SNTG1: variants seen among roughly 807,000 people sequenced by gnomAD.
SNTG1 encodes gamma-1-syntrophin.
In SNTG1, 39 loss-of-function variants were observed where a neutral mutation model predicts 74.7. The ratio of observed to expected loss-of-function variants is 0.52; its 90% CI spans 0.40 to 0.68. The LOEUF (loss-of-function observed/expected upper bound fraction) is 0.68, where lower values mean the gene tolerates loss of function less well. SNTG1 is among the 30% of genes least tolerant of loss of function. SNTG1 has a pLI of 0.00. For synonymous variants in SNTG1, 254 were observed against 217.1 expected (o/e 1.17, Z -1.49); for missense variants, 685 against 609.5 (o/e 1.12, Z -1.30).
intron 13 of SNTG1, among the ~76,000 whole-genome samples, chr8:50,612,353 T>C (rs1344978325): frequency 1.3e-5 from 2 of 152,206 alleles, no homozygotes; most frequent in East Asian, 3.9e-4. Context: ...TTGACTACTA[T>C]ATGAATGCTC....
intron 9 of SNTG1, among the ~76,000 whole-genome samples, chr8:50,519,528 A>G (rs1420334147): frequency 1.3e-5 from 2 of 152,232 alleles, no homozygotes; most frequent in African/African-American, 2.4e-5. Context: ...CTGTTTGCAG[A>G]TGACATGATT....
chr8:50,182,692 T>C (rs1339964031), intron 2 of SNTG1, among the ~76,000 whole-genome samples: 2 of 152,064 alleles, frequency 1.3e-5, no homozygotes, highest in African/African-American at 4.8e-5. Flanking sequence ...ATTCTCTTAA[T>C]TTCATCTTTT....
Position 50,620,663 on chromosome 8 carries a change from G to A in SNTG1, c.849+29746G>A, listed in dbSNP as rs559088724. On this transcript the variant is annotated intron_variant, in intron 13 of 18. Transcript: ENST00000642720. ...GGCATAATAGTTCCAGTTAAGAGAG[G>A]TAAACAATGAACAAATACATATTTA... Among the ~76,000 whole-genome samples, 10 of 152,302 alleles carry A rather than the reference G, an allele frequency of 6.6e-5. No individual in the cohort carries two copies. In the East Asian group the frequency reaches 1.9e-3, roughly 29 times the overall value.
chr8:49,950,397 A>G (rs560304740), intron 1 of SNTG1, among the ~76,000 whole-genome samples: 1 of 152,312 alleles, frequency 6.6e-6, no homozygotes, highest in South Asian at 2.1e-4. Context: ...AACATTTTAT[A>G]TGCTATTCCT....
chr8:50,701,167 A>G (rs1427534972), intron 15 of SNTG1, among the ~76,000 whole-genome samples: 8 of 152,186 alleles, frequency 5.3e-5, no homozygotes, highest in African/African-American at 1.9e-4. Context: ...AATTTAATAA[A>G]CCATAAAATT....
chr8:49,967,431 T>G (rs550873078), intron 1 of SNTG1, among the ~76,000 whole-genome samples: 2 of 152,324 alleles, frequency 1.3e-5, no homozygotes, highest in African/African-American at 4.8e-5. Context: ...TCTGTATTGT[T>G]TACTTTCTGC....
intron 15 of SNTG1, among the ~76,000 whole-genome samples, chr8:50,694,922 A>C (rs2095398262): frequency 6.6e-6 from 1 of 151,906 alleles, no homozygotes; most frequent in Non-Finnish European, 1.5e-5. Flanking sequence ...TTAGTTATAA[A>C]AGAAATGTAC....
chr8:50,670,392 C>A (rs2095274546), intron 15 of SNTG1, among the ~76,000 whole-genome samples: 1 of 151,836 alleles, frequency 6.6e-6, no homozygotes, highest in Non-Finnish European at 1.5e-5. Flanking sequence ...TTCTTATACA[C>A]CAATAATAGA....
intron 1 of SNTG1, among the ~76,000 whole-genome samples, chr8:50,132,375 C>G (rs909844290): frequency 1.3e-5 from 2 of 152,038 alleles, no homozygotes; most frequent in Non-Finnish European, 2.9e-5. Context: ...GGGTGAGATT[C>G]AGGGTACAGT....
intron 1 of SNTG1, among the ~76,000 whole-genome samples, chr8:50,051,142 A>G (rs923381220): frequency 6.6e-6 from 1 of 151,962 alleles, no homozygotes; most frequent in Admixed American, 6.6e-5. Context: ...AGGTCTAGCC[A>G]GGTTAGTACG....
intron 11 of SNTG1, among the ~76,000 whole-genome samples, chr8:50,541,202 C>A (rs545576817): frequency 3.3e-5 from 5 of 151,096 alleles, no homozygotes; most frequent in Admixed American, 1.3e-4. Context: ...AATATCCCAA[C>A]CAGGGAATGG....
At chr8:50,400,886 C>T (rs556693121) in intron 3 of SNTG1, among the ~76,000 whole-genome samples, 2 of 151,906 alleles carry the variant, frequency 1.3e-5, no homozygotes, top group East Asian at 1.9e-4. Context: ...CTCTAGTGCA[C>T]GCTAGGATGA....
chr8:50,528,513 G>T (rs1462268103), intron 9 of SNTG1, among the ~76,000 whole-genome samples: 1 of 151,670 alleles, frequency 6.6e-6, no homozygotes, highest in African/African-American at 2.4e-5. Flanking sequence ...CACTTACTTG[G>T]TCATGATGTG....
intron 15 of SNTG1, among the ~76,000 whole-genome samples, chr8:50,688,909 T>A (rs1212552651): frequency 6.6e-6 from 1 of 152,140 alleles, no homozygotes; most frequent in African/African-American, 2.4e-5. Flanking sequence ...TTCTCCCATT[T>A]GTTTGTATCC....
intron 2 of SNTG1, among the ~76,000 whole-genome samples, chr8:50,195,210 C>T (rs2083719168): frequency 6.6e-6 from 1 of 151,966 alleles, no homozygotes; most frequent in Non-Finnish European, 1.5e-5. Flanking sequence ...TGCAGGTCAT[C>T]AGGGAAGTGG....
At chr8:50,071,919 G>A (rs1025020419) in intron 1 of SNTG1, among the ~76,000 whole-genome samples, 1 of 151,026 alleles carries the variant, frequency 6.6e-6, no homozygotes, top group African/African-American at 2.4e-5. Context: ...ATATAAAAAT[G>A]TTAAGAGCTG....
intron 2 of SNTG1, among the ~76,000 whole-genome samples, chr8:50,309,360 CAAA>C (rs10535912): frequency 0.082 from 12,177 of 149,278 alleles, 564 homozygotes; most frequent in African/African-American, 0.12. Flanking sequence ...TTTTTTAAGA[CAAA>C]AAAAAAAAAA....
chr8:50,571,881 A>G (rs746181885), intron 12 of SNTG1, among the ~76,000 whole-genome samples: 6 of 152,112 alleles, frequency 3.9e-5, no homozygotes, highest in Non-Finnish European at 8.8e-5. Flanking sequence ...GCTCCACTGA[A>G]CATGTTTTAG....
intron 2 of SNTG1, among the ~76,000 whole-genome samples, chr8:50,312,561 G>T (rs1017879526): frequency 1.3e-5 from 2 of 149,890 alleles, no homozygotes; most frequent in African/African-American, 5.0e-5. Context: ...TGTGGAAAAA[G>T]TCAGTCTTTC....
Sources: gnomAD v4.1 joint callset for allele counts (sites outside exome capture counted in the v4.1 genomes callset) on GRCh38, gnomAD v4.1.1 for gene constraint, MANE v1.5 for transcripts, NCBI Gene and HGNC (gene_info 2026-07-23, HGNC 2026-07-21) for gene names.